VAX2: variants seen among roughly 807,000 people sequenced by gnomAD.
The protein encoded by VAX2 is ventral anterior homeobox 2.
VAX2 carries 8 observed loss-of-function variants against 12.5 expected under a neutral mutation model. The ratio of observed to expected loss-of-function variants is 0.64; its 90% CI spans 0.37 to 1.15. The LOEUF is 1.15. Ranked by LOEUF, VAX2 falls within the 50% of genes most tolerant of loss-of-function variation. VAX2 has a pLI of 0.01. For synonymous variants in VAX2, 183 were observed against 187.6 expected, an observed-to-expected ratio of 0.98 and a Z score of 0.20; for missense variants, 476 against 412.9, an observed-to-expected ratio of 1.15 and a Z score of -1.32.
chr2:70,917,763 C>T (rs563663676), intron 1 of VAX2, among the ~76,000 whole-genome samples: 1 of 151,604 alleles, frequency 6.6e-6, no homozygotes, highest in African/African-American at 2.4e-5. Flanking sequence ...CCTTTTAGGT[C>T]TTGTATAAAG....
intron 1 of VAX2, among the ~76,000 whole-genome samples, chr2:70,902,728 T>G (rs571489244): frequency 5.5e-4 from 83 of 152,200 alleles, no homozygotes; most frequent in African/African-American, 1.9e-3. Context: ...TCATAGGAAG[T>G]GGAATTCAAA....
intron 1 of VAX2, among the ~76,000 whole-genome samples, chr2:70,909,103 G>A (rs947253968): frequency 3.3e-5 from 5 of 152,006 alleles, no homozygotes; most frequent in Non-Finnish European, 7.4e-5. Context: ...TTTATCCTTT[G>A]ATTTTGTTTA....
At chr2:70,921,427 G>C (rs1558659787) in intron 2 of VAX2, 142 bp downstream of exon 2, 1 of 995,912 alleles carries the variant, frequency 1.0e-6, no homozygotes, top group Non-Finnish European at 1.4e-6. Flanking sequence ...TTAAGCTACA[G>C]GTAAACCAGA....
At chr2:70,921,422 C>A in intron 2 of VAX2, 137 bp downstream of exon 2, 1 of 1,035,220 alleles carries the variant, frequency 9.7e-7, no homozygotes, top group Non-Finnish European at 1.3e-6. Flanking sequence ...AGACTTTAAG[C>A]TACAGGTAAA....
At chr2:70,924,570 A>G (rs1241004795) in intron 2 of VAX2, among the ~76,000 whole-genome samples, 1 of 152,156 alleles carries the variant, frequency 6.6e-6, no homozygotes, top group Non-Finnish European at 1.5e-5. Flanking sequence ...AACTTGCTCA[A>G]GACTTGCAGC....
At chr2:70,901,222 G>A (rs1678915774) in intron 1 of VAX2, among the ~76,000 whole-genome samples, 1 of 152,240 alleles carries the variant, frequency 6.6e-6, no homozygotes, top group African/African-American at 2.4e-5. Context: ...GGAGAAAAGC[G>A]TCTTGCGCGC....
At chr2:70,931,488 C>T (rs1457330768) in intron 2 of VAX2, among the ~76,000 whole-genome samples, 3 of 152,192 alleles carry the variant, frequency 2.0e-5, no homozygotes, top group South Asian at 2.1e-4. Context: ...CCAAAGGCAG[C>T]GTGGCGGCCA....
intron 2 of VAX2, among the ~76,000 whole-genome samples, chr2:70,921,721 C>G (rs1353449491): frequency 6.6e-6 from 1 of 152,082 alleles, no homozygotes; most frequent in African/African-American, 2.4e-5. Context: ...ATTTCTGGCC[C>G]TTTCCCACCC....
chr2:70,906,378 G>A (rs1553410584), intron 1 of VAX2, among the ~76,000 whole-genome samples: 1 of 152,220 alleles, frequency 6.6e-6, no homozygotes, highest in Non-Finnish European at 1.5e-5. Context: ...CACCCGGAAA[G>A]TCAGGGTGAG....
chr2:70,922,975 T>A (rs1174867525), intron 2 of VAX2, among the ~76,000 whole-genome samples: 1 of 152,138 alleles, frequency 6.6e-6, no homozygotes, highest in African/African-American at 2.4e-5. Context: ...CTTGCCCTCT[T>A]CCCAAGAGAC....
At position 70,927,441 on chromosome 2, in the gene VAX2, G is replaced by C. The variant is rs1679599629; in HGVS notation, c.436-5326G>C. Among the ~76,000 whole-genome samples the C allele has an allele frequency of 2.0e-5, 3 of 151,466 alleles. No individual in the cohort carries two copies. In the South Asian group the frequency reaches 6.3e-4, roughly 32 times the overall value. On this transcript the variant is annotated intron_variant, in intron 2 of 2. Transcript: ENST00000234392. ...CCTCAGCCTCATGCTTGATGCCTCT[G>C]CCTCAGATGGCTTCTTCCAGAACAG...
intron 2 of VAX2, among the ~76,000 whole-genome samples, chr2:70,922,351 G>A (rs367971566): frequency 3.2e-4 from 49 of 152,028 alleles, no homozygotes; most frequent in African/African-American, 1.2e-3. Context: ...TCCTTGGAGC[G>A]AGGCGGGAGG....
Position 70,933,031 on chromosome 2 carries a change from T to C in VAX2, c.700T>C (p.Ser234Pro). 1 of 1,599,004 alleles carries C rather than the reference T, an allele frequency of 6.3e-7. No homozygotes were observed. Among genetic ancestry groups the C allele is most frequent in the Non-Finnish European group, 8.5e-7 (1 of 1,172,392 alleles). ...CTCCCCACGCCTCAACCCGCTGTCC[T>C]CGGCCTCAGCGTCCCCCCCACTGCC... is the stretch of plus-strand genomic sequence containing the variant. The part of the protein sequence containing the change: ...NSSPRLNPLS[S>P]ASASPPLPPP... The change falls in exon 3 of 3, where the codon TCG becomes CCG. Residue 234 changes from serine (S) to proline (P), a missense_variant. Transcript: ENST00000234392.
At chr2:70,928,695 T>C (rs1331362978) in intron 2 of VAX2, among the ~76,000 whole-genome samples, 1 of 152,170 alleles carries the variant, frequency 6.6e-6, no homozygotes, top group Non-Finnish European at 1.5e-5. Flanking sequence ...TGCCCTCTGT[T>C]TTTTGGGAAT....
chr2:70,927,410 C>T (rs557745615), intron 2 of VAX2, among the ~76,000 whole-genome samples: 4 of 151,768 alleles, frequency 2.6e-5, no homozygotes, highest in African/African-American at 9.7e-5. Context: ...AGCCCTTCAG[C>T]ATTGTCCTCA....
At chr2:70,915,102 CTT>C (rs1408025900) in intron 1 of VAX2, among the ~76,000 whole-genome samples, 1 of 151,390 alleles carries the variant, frequency 6.6e-6, no homozygotes, top group Non-Finnish European at 1.5e-5. Context: ...CAACCAGCCT[CTT>C]TGACTCTTAA....
At chr2:70,901,956 C>T (rs1047054038) in intron 1 of VAX2, among the ~76,000 whole-genome samples, 1 of 152,244 alleles carries the variant, frequency 6.6e-6, no homozygotes, top group Non-Finnish European at 1.5e-5. Flanking sequence ...TCTTTCCAGC[C>T]TCTTCACACG....
chr2:70,929,200 T>C (rs1679636335), intron 2 of VAX2, among the ~76,000 whole-genome samples: 1 of 152,212 alleles, frequency 6.6e-6, no homozygotes, highest in South Asian at 2.1e-4. Context: ...CTTACTGATA[T>C]CTTCTTCAAA....
chr2:70,923,826 C>T (rs1202626302), intron 2 of VAX2, among the ~76,000 whole-genome samples: 36 of 152,172 alleles, frequency 2.4e-4, no homozygotes, highest in Admixed American at 2.4e-3. Flanking sequence ...CTCCTGGTCT[C>T]CTTGTTCAAG....
Sources: gnomAD v4.1 joint callset for allele counts (sites outside exome capture counted in the v4.1 genomes callset) on GRCh38, gnomAD v4.1.1 for gene constraint, MANE v1.5 for transcripts, NCBI Gene and HGNC (gene_info 2026-07-23, HGNC 2026-07-21) for gene names.